Variants in S1PR2 observed in about 807,000 individuals in gnomAD.
S1PR2 encodes sphingosine 1-phosphate receptor 2.
A neutral mutation model predicts 16.1 loss-of-function variants in S1PR2; 9 were observed. The observed-to-expected ratio is 0.56, with a 90% confidence interval of 0.34 to 0.98. S1PR2 has a LOEUF of 0.98. Ranked by LOEUF, S1PR2 falls within the 50% of genes least tolerant of loss-of-function variation. The probability of loss-of-function intolerance (pLI) is 0.02; values close to 1 mark genes in which losing one functional copy is unlikely to be tolerated. For missense variants in S1PR2, 361 were observed against 488.4 expected (o/e 0.74, Z 2.46); for synonymous variants, 224 against 233.9 (o/e 0.96, Z 0.38).
Position 10,230,424 on chromosome 19 carries a change from CG to C in S1PR2, c.-43+779del, listed in dbSNP as rs766403532. On this transcript the variant is annotated intron_variant, in intron 1 of 1. Transcript: ENST00000646641. The stretch of plus-strand genomic sequence containing the variant: ...GCAGCAGCAGCTGCACCGCGAGTTC[CG>C]CGCCTGGCCGTGTCGCCCCACGAGG... The C allele has an allele frequency of 2.1e-3, 330 of 154,728 alleles. 2 individuals are homozygous for C. The highest frequency in any genetic ancestry group is 1.0e-3 in the Middle Eastern group (2 of 1,926). 9.6% of individuals were successfully genotyped at this position (154,728 alleles called of 1,614,324 possible). A position where few individuals can be genotyped will look rare whatever the true frequency, so the allele number is the denominator to read the frequency against.
chr19:10,224,539 G>A lies in S1PR2; in HGVS notation c.367C>T (p.Leu123Phe). 1 of 1,613,888 alleles carries A rather than the reference G, an allele frequency of 6.2e-7. No homozygotes were observed. Among genetic ancestry groups the A allele is most frequent in the Non-Finnish European group, 8.5e-7 (1 of 1,180,050 alleles). ...TGGCGCTCAATGGCGATGGCCAGGA[G>A]GCTGAAGACAGAGGCCGAGAGCGTG... ...FITLSASVFS[L>F]LAIAIERHVA... is the part of the protein sequence containing the mutation. The change falls in exon 2 of 2, where the codon CTC (leucine) becomes TTC (phenylalanine). Residue 123 changes from leucine (L) to phenylalanine (F), a missense_variant. By Grantham distance (22) the Leu-to-Phe change is conservative. Coordinates refer to ENST00000646641, the MANE Select transcript of S1PR2 (RefSeq NM_004230.4).
At chr19:10,227,718 G>A (rs1399088186) in intron 1 of S1PR2, among the ~76,000 whole-genome samples, 4 of 152,206 alleles carry the variant, frequency 2.6e-5, no homozygotes, top group Non-Finnish European at 5.9e-5. Context: ...AGTTGGGGGC[G>A]CTCTACGGCC....
rs1233587313 is a variant in S1PR2 at position 10,227,968 on chromosome 19, G to A, written c.-42-3021C>T. On this transcript the variant is annotated intron_variant, in intron 1 of 1. Transcript: ENST00000646641. Reference sequence around the variant, plus strand: ...GTGCAGTGCAGCCGCCCCCTCTGCTGCTCACCAAGAGATTTGCTGTGGCTT... The same window carrying A: ...GTGCAGTGCAGCCGCCCCCTCTGCTACTCACCAAGAGATTTGCTGTGGCTT... Among the ~76,000 whole-genome samples the A allele has an allele frequency of 2.0e-5, 3 of 152,064 alleles. No homozygotes were observed. The East Asian group carries it at 5.8e-4, about 29-fold the overall frequency.
intron 1 of S1PR2, among the ~76,000 whole-genome samples, chr19:10,229,727 C>A (rs1165182591): frequency 6.6e-6 from 1 of 152,132 alleles, no homozygotes; most frequent in Non-Finnish European, 1.5e-5. Flanking sequence ...TTAAAGGTCA[C>A]TTCCTCAGAG....
chr19:10,226,516 T>TA (rs2039636131), intron 1 of S1PR2, among the ~76,000 whole-genome samples: 1 of 152,176 alleles, frequency 6.6e-6, no homozygotes, highest in South Asian at 2.1e-4. Context: ...ACTCAACAAA[T>TA]ACTGCCAAAT....
At chr19:10,230,526 G>A (rs2145447010) in intron 1 of S1PR2, 2 of 154,630 alleles carry the variant, frequency 1.3e-5, no homozygotes, top group Middle Eastern at 5.2e-4. Flanking sequence ...GAAATCCCCG[G>A]GTGAGTCAAC....
chr19:10,230,923 C>A (rs905933700), intron 1 of S1PR2, among the ~76,000 whole-genome samples: 4 of 152,226 alleles, frequency 2.6e-5, no homozygotes, highest in Non-Finnish European at 5.9e-5. Context: ...TCCTGCCTCC[C>A]AAAGACTCCA....
chr19:10,223,906 G>C lies in S1PR2; in HGVS notation c.1000C>G (p.Leu334Val), dbSNP rs1443343987. ...HLLPLRSSSSLERGMHMPTSP... is the reference protein window; with the variant it reads ...HLLPLRSSSSVERGMHMPTSP... ...GTGGGCATGTGCATGCCCCTCTCCAGGGAGCTGGAGCTGCGGAGTGGCAGG... is the reference window on the plus strand; with the variant it reads ...GTGGGCATGTGCATGCCCCTCTCCACGGAGCTGGAGCTGCGGAGTGGCAGG... Residue 334 changes from leucine to valine, a missense_variant, in exon 2 of 2, where the codon CTG becomes GTG. Coordinates refer to ENST00000646641, the MANE Select transcript of S1PR2 (RefSeq NM_004230.4). 1 of 1,594,480 alleles carries C rather than the reference G, an allele frequency of 6.3e-7. No homozygotes were observed. The highest frequency in any genetic ancestry group is 1.1e-5 in the South Asian group (1 of 88,518).
intron 1 of S1PR2, among the ~76,000 whole-genome samples, chr19:10,229,906 G>T (rs1054397274): frequency 6.6e-6 from 1 of 152,244 alleles, no homozygotes; most frequent in Non-Finnish European, 1.5e-5. Flanking sequence ...AGGCCAGGGA[G>T]CAAGTCAGTT....
Position 10,222,454 on chromosome 19 carries a change from G to A in S1PR2, c.*1390C>T, listed in dbSNP as rs1055188707. 2.0e-5 allele frequency: 3 copies of A among 152,268 alleles called. No individual in the cohort carries two copies. The highest frequency in any genetic ancestry group is 7.2e-5 in the African/African-American group (3 of 41,420). 9.4% of individuals were successfully genotyped at this position (152,268 alleles called of 1,614,324 possible). Reference sequence around the variant, plus strand: ...GGCTGTTTTTGAAAGGAGGGTGTCTGTGCAAATATCACACCCAGAATTTTC... The same window carrying A: ...GGCTGTTTTTGAAAGGAGGGTGTCTATGCAAATATCACACCCAGAATTTTC... On this transcript the variant is annotated 3_prime_UTR_variant, in exon 2 of 2. Transcript: ENST00000646641.
At chr19:10,225,219 T>TA (rs2039625311) in intron 1 of S1PR2, among the ~76,000 whole-genome samples, 1 of 151,968 alleles carries the variant, frequency 6.6e-6, no homozygotes, top group African/African-American at 2.4e-5. Context: ...CTTTCTTATT[T>TA]ATTTTATTTA....
At chr19:10,229,844 T>A (rs964909762) in intron 1 of S1PR2, among the ~76,000 whole-genome samples, 1 of 152,198 alleles carries the variant, frequency 6.6e-6, no homozygotes, top group African/African-American at 2.4e-5. Flanking sequence ...TGGGAAACTA[T>A]CATGATATCT....
At position 10,224,690 on chromosome 19, in the gene S1PR2, C is replaced by G. The variant is rs746982563; in HGVS notation, c.216G>C (p.Leu72=). 1 of 1,614,204 alleles carries G rather than the reference C, an allele frequency of 6.2e-7. No individual in the cohort carries two copies. The highest frequency in any genetic ancestry group is 1.3e-5 in the African/African-American group (1 of 75,078). Reference sequence around the variant, plus strand: ...GTAGATCGGAGGCGGCCAGGTTGCCCAGAAACAGGTACATTGCCGAGTGGA... The same window carrying G: ...GTAGATCGGAGGCGGCCAGGTTGCCGAGAAACAGGTACATTGCCGAGTGGA... The part of the protein sequence containing the change: ...SKFHSAMYLF[L]GNLAASDLLA... Residue 72 remains leucine, a synonymous_variant, in exon 2 of 2, where the codon CTG becomes CTC. Transcript: ENST00000646641.
chr19:10,221,724 G>C lies in S1PR2; in HGVS notation c.*2120C>G, dbSNP rs2039593989. 6.6e-6 allele frequency: 1 copy of C among 152,472 alleles called. No individual in the cohort carries two copies. The highest frequency in any genetic ancestry group is 1.5e-5 in the Non-Finnish European group (1 of 68,148). The allele number at this position is 152,472 out of a possible 1,614,324, so 9.4% of individuals were successfully genotyped here. On this transcript the variant is annotated 3_prime_UTR_variant, in exon 2 of 2. Coordinates refer to ENST00000646641, the MANE Select transcript of S1PR2 (RefSeq NM_004230.4). ...GCTTCAACACAAACATGAGCAGACA[G>C]GACAGCATTCATTCTGGGGGAAATG...
intron 1 of S1PR2, among the ~76,000 whole-genome samples, chr19:10,227,252 G>A (rs2039641550): frequency 6.6e-6 from 1 of 152,108 alleles, no homozygotes; most frequent in African/African-American, 2.4e-5. Context: ...AGGACTGTGT[G>A]CACCGTTCCA....
chr19:10,227,583 G>C (rs925787490), intron 1 of S1PR2, among the ~76,000 whole-genome samples: 1 of 152,224 alleles, frequency 6.6e-6, no homozygotes, highest in Non-Finnish European at 1.5e-5. Flanking sequence ...CCAGGCTGCG[G>C]CTGGATCAGA....
At chr19:10,230,370 T>C (rs1339999148) in intron 1 of S1PR2, 1 of 154,374 alleles carries the variant, frequency 6.5e-6, no homozygotes, top group Non-Finnish European at 1.5e-5. Context: ...CTCGAGATTC[T>C]GGGAAGACTG....
intron 1 of S1PR2, among the ~76,000 whole-genome samples, chr19:10,230,975 T>C (rs2145447731): frequency 6.6e-6 from 1 of 152,248 alleles, no homozygotes; most frequent in Middle Eastern, 3.4e-3. Context: ...GGCGCCAACT[T>C]CCTGCCGCTG....
rs1322181986 is a variant in S1PR2, at chr19:10,222,794, G to A, written c.*1050C>T. On this transcript the variant is annotated 3_prime_UTR_variant, in exon 2 of 2. Coordinates refer to ENST00000646641, the MANE Select transcript of S1PR2 (RefSeq NM_004230.4). ...CTGTAGTCGCACGAAGTTGCCCAGA[G>A]AAGGTGGCAGGAGGAATACATTCGA... 1 of 152,430 alleles carries A rather than the reference G, an allele frequency of 6.6e-6. No homozygotes were observed. Among genetic ancestry groups the A allele is most frequent in the Non-Finnish European group, 1.5e-5 (1 of 68,166 alleles). The allele number at this position is 152,430 out of a possible 1,614,324, so 9.4% of individuals were successfully genotyped here.
Sources: gnomAD v4.1 joint callset for allele counts (sites outside exome capture counted in the v4.1 genomes callset) on GRCh38, gnomAD v4.1.1 for gene constraint, MANE v1.5 for transcripts, NCBI Gene and HGNC (gene_info 2026-07-23, HGNC 2026-07-21) for gene names.